Variants in ZMYM4 observed in about 807,000 individuals in gnomAD.
ZMYM4 encodes the protein zinc finger MYM-type containing 4, also known as zinc finger MYM-type protein 4.
ZMYM4 carries 31 observed loss-of-function variants against 183.2 expected under a neutral mutation model. That is an observed-to-expected ratio of 0.17 (90% CI 0.13 to 0.23). ZMYM4 has a LOEUF of 0.23. ZMYM4 is among the 10% of genes least tolerant of loss of function. The probability of loss-of-function intolerance (pLI) is 1.00; values close to 1 mark genes in which losing one functional copy is unlikely to be tolerated. For synonymous variants in ZMYM4, 592 were observed against 631.2 expected, an observed-to-expected ratio of 0.94 and a Z score of 0.93; for missense variants, 1,273 against 1,840.3, an observed-to-expected ratio of 0.69 and a Z score of 5.64.
At chr1:35,372,848 C>T (rs2148941140) in intron 7 of ZMYM4, among the ~76,000 whole-genome samples, 1 of 152,282 alleles carries the variant, frequency 6.6e-6, no homozygotes, top group Middle Eastern at 3.4e-3. Flanking sequence ...TAGGGATACT[C>T]AGCCTGTTCT....
At chr1:35,356,897 G>C (rs1553172572) in intron 2 of ZMYM4, among the ~76,000 whole-genome samples, 1 of 151,616 alleles carries the variant, frequency 6.6e-6, no homozygotes, top group Non-Finnish European at 1.5e-5. Context: ...AAAAAAGAAA[G>C]AAACAGGGGG....
intron 28 of ZMYM4, among the ~76,000 whole-genome samples, chr1:35,416,331 G>C (rs1021299994): frequency 3.3e-5 from 5 of 152,094 alleles, no homozygotes; most frequent in African/African-American, 1.2e-4. Context: ...TTTTTGAATA[G>C]AATCATAAGT....
intron 4 of ZMYM4, 72 bp downstream of exon 4, chr1:35,361,327 A>G: frequency 7.0e-7 from 1 of 1,423,254 alleles, no homozygotes; most frequent in Non-Finnish European, 9.6e-7. Context: ...GTCAGTTTCT[A>G]AATTCTAACA....
rs765485091 is a variant in ZMYM4, at chr1:35,392,193, T to A, written c.2588-19T>A. The A allele has an allele frequency of 6.2e-7, 1 of 1,614,118 alleles. No individual in the cohort carries two copies. On this transcript the variant is annotated intron_variant, in intron 15 of 29. Coordinates refer to ENST00000314607, the MANE Select transcript of ZMYM4 (RefSeq NM_005095.3). The stretch of plus-strand genomic sequence containing the variant: ...TATAAATCACGTGAGGTTTCCTTAT[T>A]TTTGTTTATTTTAATCAGCAAATAT...
At chr1:35,321,300 T>C (rs1201723922) in intron 1 of ZMYM4, among the ~76,000 whole-genome samples, 3 of 152,130 alleles carry the variant, frequency 2.0e-5, no homozygotes, top group African/African-American at 7.2e-5. Flanking sequence ...TATGGTACCA[T>C]AGAGGAGTAG....
intron 1 of ZMYM4, among the ~76,000 whole-genome samples, chr1:35,297,259 T>C (rs1462257636): frequency 6.6e-6 from 1 of 152,148 alleles, no homozygotes; most frequent in Non-Finnish European, 1.5e-5. Flanking sequence ...ATTTTGTAAT[T>C]CAGTTTGCAC....
At chr1:35,355,102 C>G (rs540108609) in intron 2 of ZMYM4, among the ~76,000 whole-genome samples, 1 of 151,534 alleles carries the variant, frequency 6.6e-6, no homozygotes, top group African/African-American at 2.4e-5. Context: ...GGCGCAATCT[C>G]GGCTCACTGC....
At chr1:35,408,184 T>C (rs765048862) in intron 26 of ZMYM4, 25 bp downstream of exon 26, 1 of 1,613,040 alleles carries the variant, frequency 6.2e-7, no homozygotes, top group Admixed American at 1.7e-5. Context: ...ATATGGATTC[T>C]TCAACCTAGC....
At chr1:35,403,352 C>T (rs894058032) in intron 23 of ZMYM4, among the ~76,000 whole-genome samples, 1 of 152,166 alleles carries the variant, frequency 6.6e-6, no homozygotes, top group East Asian at 1.9e-4. Context: ...ATGGCGCGAT[C>T]TCGGCTCACT....
At chr1:35,320,884 A>T (rs1313711792) in intron 1 of ZMYM4, among the ~76,000 whole-genome samples, 1 of 152,124 alleles carries the variant, frequency 6.6e-6, no homozygotes, top group African/African-American at 2.4e-5. Context: ...TGGCTTTGAG[A>T]AGTGTAGGAT....
At chr1:35,392,735 T>G (rs368130264) in intron 17 of ZMYM4, 51 bp downstream of exon 17, 35 of 1,432,216 alleles carry the variant, frequency 2.4e-5, no homozygotes, top group Non-Finnish European at 3.8e-6. Flanking sequence ...TTTTTCATTT[T>G]CATACAGTAT....
At chr1:35,322,804 C>T (rs1267820700) in intron 1 of ZMYM4, among the ~76,000 whole-genome samples, 1 of 152,092 alleles carries the variant, frequency 6.6e-6, no homozygotes, top group Non-Finnish European at 1.5e-5. Flanking sequence ...ATTCTCCTGC[C>T]TCAGCCTCCC....
At chr1:35,409,152 A>G (rs191675293) in intron 26 of ZMYM4, among the ~76,000 whole-genome samples, 29 of 152,352 alleles carry the variant, frequency 1.9e-4, no homozygotes, top group African/African-American at 6.5e-4. Context: ...TATCATATGG[A>G]TATACCACAT....
At chr1:35,357,822 A>G (rs1279144754) in intron 2 of ZMYM4, among the ~76,000 whole-genome samples, 2 of 152,242 alleles carry the variant, frequency 1.3e-5, no homozygotes, top group African/African-American at 4.8e-5. Context: ...TTAGGAAGTC[A>G]GTAGCAAAGG....
In ZMYM4 at chr1:35,387,057, G is replaced by A. The variant is rs1189787360; in HGVS notation, c.1891G>A (p.Gly631Ser). ...TTCTTCAGTAGTGCCCTTGTCTCAG[G>A]GCCAAGTAATTGTAAGCATCCCCAC... ...MNSSVVPLSQGQVIVSIPTGS... is the reference protein window; with the variant it reads ...MNSSVVPLSQSQVIVSIPTGS... The change falls in exon 12 of 30, where the codon GGC becomes AGC. Residue 631 changes from glycine to serine, a missense_variant. Physicochemically the swap from Gly to Ser is moderately conservative, Grantham distance 56. Coordinates refer to ENST00000314607, the MANE Select transcript of ZMYM4 (RefSeq NM_005095.3). The A allele has an allele frequency of 3.7e-6, 6 of 1,614,048 alleles. No individual in the cohort carries two copies. The highest frequency in any genetic ancestry group is 1.7e-5 in the Admixed American group (1 of 59,996).
At chr1:35,392,747 AAT>A in intron 17 of ZMYM4, 63 bp downstream of exon 17, 1 of 1,276,462 alleles carries the variant, frequency 7.8e-7, no homozygotes, top group East Asian at 2.5e-5. Flanking sequence ...ATACAGTATA[AAT>A]ATGTGTGAAC....
chr1:35,399,947 C>G (rs1570527414), intron 23 of ZMYM4: 1 of 166,588 alleles, frequency 6.0e-6, no homozygotes, highest in Admixed American at 5.9e-5. Context: ...TCGAGACCAT[C>G]CTGGCTAACA....
intron 26 of ZMYM4, among the ~76,000 whole-genome samples, chr1:35,412,895 A>G (rs1362015328): frequency 1.3e-5 from 2 of 152,114 alleles, no homozygotes; most frequent in African/African-American, 4.8e-5. Flanking sequence ...TAGAAATGCA[A>G]GAAACCAAGA....
At chr1:35,300,523 A>G (rs935119187) in intron 1 of ZMYM4, among the ~76,000 whole-genome samples, 10 of 152,214 alleles carry the variant, frequency 6.6e-5, no homozygotes, top group Non-Finnish European at 1.0e-4. Flanking sequence ...TCTCCCTAGC[A>G]TATTTATTGA....
Sources: allele counts gnomAD v4.1 joint callset (sites outside exome capture counted in the v4.1 genomes callset), GRCh38; gene constraint gnomAD v4.1.1; transcripts MANE v1.5; gene names NCBI Gene and HGNC (gene_info 2026-07-23, HGNC 2026-07-21).